The following AUTS2 variants were observed in gnomAD, a reference collection of about 807,000 sequenced individuals.
AUTS2 encodes the protein autism susceptibility gene 2 protein.
In AUTS2, 17 loss-of-function variants were observed where a neutral mutation model predicts 112.4. The observed-to-expected ratio is 0.15, with a 90% CI of 0.10 to 0.23. The LOEUF is 0.23. Ranked by LOEUF, AUTS2 falls within the 10% of genes least tolerant of loss-of-function variation. The probability of loss-of-function intolerance (pLI) is 1.00; values close to 1 mark genes in which losing one functional copy is unlikely to be tolerated. For synonymous variants in AUTS2, 751 were observed against 702.7 expected (o/e 1.07, Z -1.09); for missense variants, 1,510 against 1,701.6 (o/e 0.89, Z 1.98).
intron 4 of AUTS2, among the ~76,000 whole-genome samples, chr7:70,301,475 G>A (rs1293452586): frequency 1.3e-5 from 2 of 151,830 alleles, no homozygotes; most frequent in Admixed American, 6.6e-5. Flanking sequence ...ATAAAATAGG[G>A]AAAAAAAGCT....
chr7:70,764,641 C>CATCTGTA (rs1231471436), intron 7 of AUTS2, 111 bp from the exon 8 acceptor site: 5 of 652,474 alleles, frequency 7.7e-6, no homozygotes, highest in Non-Finnish European at 1.4e-5. Context: ...GAGGAAGGGG[C>CATCTGTA]AAGAGAGACT....
At chr7:69,846,495 A>G (rs1452115157) in intron 1 of AUTS2, among the ~76,000 whole-genome samples, 1 of 152,154 alleles carries the variant, frequency 6.6e-6, no homozygotes, top group East Asian at 1.9e-4. Context: ...AAATACCAAC[A>G]TCTTTTGAGC....
At chr7:70,214,060 T>G (rs1214032105) in intron 4 of AUTS2, among the ~76,000 whole-genome samples, 1 of 152,152 alleles carries the variant, frequency 6.6e-6, no homozygotes, top group Non-Finnish European at 1.5e-5. Flanking sequence ...TAGACCTAAT[T>G]ATATATTTCT....
chr7:70,377,864 G>A (rs1018422846), intron 4 of AUTS2, among the ~76,000 whole-genome samples: 83 of 150,172 alleles, frequency 5.5e-4, no homozygotes, highest in Non-Finnish European at 1.0e-3. Flanking sequence ...TCCGCCTCCC[G>A]GGTTCATGCC....
chr7:70,611,160 A>C (rs999097172), intron 5 of AUTS2, among the ~76,000 whole-genome samples: 3 of 152,192 alleles, frequency 2.0e-5, no homozygotes, highest in African/African-American at 7.2e-5. Flanking sequence ...GGTGTGAGAT[A>C]AGGGTCTCAT....
intron 2 of AUTS2, among the ~76,000 whole-genome samples, chr7:69,986,158 T>C (rs571111151): frequency 6.6e-6 from 1 of 152,328 alleles, no homozygotes; most frequent in African/African-American, 2.4e-5. Flanking sequence ...TGTATTTGCT[T>C]ATTTATTATT....
At chr7:70,011,685 G>A (rs894341581) in intron 2 of AUTS2, among the ~76,000 whole-genome samples, 9 of 152,148 alleles carry the variant, frequency 5.9e-5, no homozygotes, top group African/African-American at 2.2e-4. Flanking sequence ...GGAACAAGCA[G>A]TTCTTAGCTT....
chr7:70,638,752 T>C (rs1805654678), intron 5 of AUTS2, among the ~76,000 whole-genome samples: 1 of 152,222 alleles, frequency 6.6e-6, no homozygotes, highest in South Asian at 2.1e-4. Context: ...TTGATTAATA[T>C]GTAACAGAGA....
rs370502318 is a variant in AUTS2, at chr7:70,245,901, TATC to T, written c.660+111333_660+111335del. On this transcript the variant is annotated intron_variant, in intron 4 of 18. Transcript: ENST00000342771. ...GTTTCCACATTTTCATGAATACTCT[TATC>T]ATACTTCATATGAAATAATCTTGTG... Among the ~76,000 whole-genome samples, 220 of 152,260 alleles carry T rather than the reference TATC, an allele frequency of 1.4e-3. 1 individual carries two copies. Among genetic ancestry groups the T allele is most frequent in the African/African-American group, 5.2e-3 (215 of 41,568 alleles).
chr7:69,853,119 G>A (rs1562929018), intron 1 of AUTS2, among the ~76,000 whole-genome samples: 1 of 152,106 alleles, frequency 6.6e-6, no homozygotes, highest in South Asian at 2.1e-4. Flanking sequence ...TTTGTTAAGT[G>A]TAGTGTGCTA....
At chr7:69,926,988 C>T (rs915142154) in intron 2 of AUTS2, among the ~76,000 whole-genome samples, 7 of 145,362 alleles carry the variant, frequency 4.8e-5, no homozygotes, top group African/African-American at 1.8e-4. Flanking sequence ...AGTATTTTCC[C>T]TAAAGCACCA....
At chr7:69,811,108 G>C (rs1790526100) in intron 1 of AUTS2, among the ~76,000 whole-genome samples, 1 of 152,120 alleles carries the variant, frequency 6.6e-6, no homozygotes, top group Non-Finnish European at 1.5e-5. Flanking sequence ...TCTGGCCAGA[G>C]TGTTTTTACT....
chr7:70,550,321 T>C (rs1014641994), intron 5 of AUTS2, among the ~76,000 whole-genome samples: 2 of 152,218 alleles, frequency 1.3e-5, no homozygotes, highest in Non-Finnish European at 2.9e-5. Context: ...AATTCTAGCA[T>C]GTTAGTGTCG....
At chr7:70,682,068 G>C (rs1253467012) in intron 5 of AUTS2, among the ~76,000 whole-genome samples, 3 of 152,184 alleles carry the variant, frequency 2.0e-5, no homozygotes, top group Non-Finnish European at 4.4e-5. Context: ...AGACCTCTAA[G>C]ATCCTCTTGA....
intron 6 of AUTS2, among the ~76,000 whole-genome samples, chr7:70,708,374 G>A (rs1196967456): frequency 1.3e-5 from 2 of 152,190 alleles, no homozygotes; most frequent in Non-Finnish European, 2.9e-5. Context: ...AATGACATCA[G>A]TGGTGATTCC....
chr7:70,584,540 T>C (rs992424993), intron 5 of AUTS2, among the ~76,000 whole-genome samples: 1 of 152,254 alleles, frequency 6.6e-6, no homozygotes, highest in African/African-American at 2.4e-5. Context: ...AAAAGGGCTG[T>C]GCATCCTAAT....
At chr7:69,925,248 T>A (rs143977647) in intron 2 of AUTS2, among the ~76,000 whole-genome samples, 152 of 152,268 alleles carry the variant, frequency 1.0e-3, no homozygotes, top group Non-Finnish European at 1.7e-3. Flanking sequence ...TTTTCTCTGT[T>A]GTTTTATATT....
intron 2 of AUTS2, among the ~76,000 whole-genome samples, chr7:70,013,403 T>C (rs1584577370): frequency 6.6e-6 from 1 of 152,316 alleles, no homozygotes; most frequent in East Asian, 1.9e-4. Flanking sequence ...CAAGTCAAGA[T>C]CGCTTTTAGC....
intron 6 of AUTS2, among the ~76,000 whole-genome samples, chr7:70,701,941 A>G (rs978390336): frequency 2.0e-5 from 3 of 152,188 alleles, no homozygotes; most frequent in East Asian, 1.9e-4. Flanking sequence ...TTGAAATGCT[A>G]TAGGAGCAAC....
Sources: gnomAD v4.1 joint callset for allele counts (sites outside exome capture counted in the v4.1 genomes callset) on GRCh38, gnomAD v4.1.1 for gene constraint, MANE v1.5 for transcripts, NCBI Gene and HGNC (gene_info 2026-07-23, HGNC 2026-07-21) for gene names.